Variants in COL21A1 observed in about 807,000 individuals in gnomAD.
COL21A1 encodes the protein collagen alpha-1(XXI) chain.
A neutral mutation model predicts 137.9 loss-of-function variants in COL21A1; 149 were observed. The ratio of observed to expected loss-of-function variants is 1.08; its 90% CI spans 0.95 to 1.24. COL21A1 has a LOEUF of 1.24. COL21A1 is among the 50% of genes most tolerant of loss of function. The pLI is 0.00. For missense variants in COL21A1, 1,167 were observed against 1,158.4 expected (o/e 1.01, Z -0.11); for synonymous variants, 456 against 391.5 (o/e 1.16, Z -1.95).
At chr6:56,230,354 G>C (rs1395806874) in intron 1 of COL21A1, among the ~76,000 whole-genome samples, 1 of 151,792 alleles carries the variant, frequency 6.6e-6, no homozygotes, top group East Asian at 1.9e-4. Flanking sequence ...ATATCATAAA[G>C]CAAACTCAAT....
intron 1 of COL21A1, among the ~76,000 whole-genome samples, chr6:56,393,181 C>T (rs2094033282): frequency 6.6e-6 from 1 of 151,954 alleles, no homozygotes; most frequent in Non-Finnish European, 1.5e-5. Flanking sequence ...AGAGAGAACA[C>T]AGAAATAAAT....
intron 3 of COL21A1, among the ~76,000 whole-genome samples, chr6:56,177,915 T>C (rs1464537463): frequency 6.6e-6 from 1 of 151,426 alleles, no homozygotes; most frequent in African/African-American, 2.4e-5. Context: ...ATTAGACACA[T>C]AAATTATTTA....
intron 1 of COL21A1, among the ~76,000 whole-genome samples, chr6:56,310,807 C>T (rs1299621483): frequency 2.9e-5 from 4 of 138,578 alleles, no homozygotes; most frequent in Admixed American, 2.9e-4. Context: ...ATATGAATAT[C>T]CATAATATTG....
At chr6:56,075,010 T>C (rs1767090235) in intron 19 of COL21A1, among the ~76,000 whole-genome samples, 1 of 151,342 alleles carries the variant, frequency 6.6e-6, no homozygotes, top group Non-Finnish European at 1.5e-5. Context: ...ACATGAATTT[T>C]CATAATTTTG....
intron 8 of COL21A1, 43 bp downstream of exon 8, chr6:56,164,771 A>G (rs1217021542): frequency 6.6e-7 from 1 of 1,516,662 alleles, no homozygotes; most frequent in Non-Finnish European, 8.9e-7. Context: ...TGGTCCCACA[A>G]TACAAATATT....
At chr6:56,134,162 G>A (rs1000555623) in intron 12 of COL21A1, among the ~76,000 whole-genome samples, 2 of 152,202 alleles carry the variant, frequency 1.3e-5, no homozygotes, top group South Asian at 4.1e-4. Context: ...AATCGAGAGG[G>A]AGGCTGTACC....
chr6:56,225,574 C>T (rs889734070), intron 1 of COL21A1, among the ~76,000 whole-genome samples: 1 of 151,992 alleles, frequency 6.6e-6, no homozygotes, highest in South Asian at 2.1e-4. Flanking sequence ...CAGCTTGTTC[C>T]TGTCCAAAGG....
chr6:56,360,260 G>A (rs1341365834), intron 1 of COL21A1, among the ~76,000 whole-genome samples: 5 of 152,170 alleles, frequency 3.3e-5, no homozygotes, highest in African/African-American at 7.2e-5. Flanking sequence ...GCATCTGTTC[G>A]ACTTCACACT....
chr6:56,088,222 G>A (rs766878447), intron 17 of COL21A1, among the ~76,000 whole-genome samples: 11 of 152,032 alleles, frequency 7.2e-5, no homozygotes, highest in Non-Finnish European at 1.5e-4. Flanking sequence ...AAATTAGCTG[G>A]GCATGGTGGC....
At position 56,074,999 on chromosome 6, in the gene COL21A1, C is replaced by A. The variant is rs80265288; in HGVS notation, c.1911+480G>T. Among the ~76,000 whole-genome samples, 1,238 of 151,152 alleles carry A rather than the reference C, an allele frequency of 8.2e-3. 19 individuals are homozygous for A. The highest frequency in any genetic ancestry group is 0.029 in the African/African-American group (1,194 of 41,374). ...TAAAATTTGGGGGGGGATTCTTGCA[C>A]ACATGAATTTTCATAATTTTGAATC... On this transcript the variant is annotated intron_variant, in intron 19 of 29. Transcript: ENST00000244728.
intron 3 of COL21A1, among the ~76,000 whole-genome samples, chr6:56,172,766 G>A (rs1405593632): frequency 2.0e-5 from 3 of 151,996 alleles, no homozygotes; most frequent in Non-Finnish European, 4.4e-5. Flanking sequence ...GCAATTTGTG[G>A]CATCAGTAAC....
At chr6:56,062,880 C>G (rs7768532) in intron 24 of COL21A1, among the ~76,000 whole-genome samples, 2,481 of 152,172 alleles carry the variant, frequency 0.016, 68 homozygotes, top group African/African-American at 0.057. Flanking sequence ...TGAATTAGAG[C>G]TAAAACTAAA....
chr6:56,100,815 A>G (rs1316499746), intron 17 of COL21A1, among the ~76,000 whole-genome samples: 1 of 152,172 alleles, frequency 6.6e-6, no homozygotes, highest in Non-Finnish European at 1.5e-5. Context: ...AAATTCTGAA[A>G]TCTCAACTGA....
chr6:56,092,754 T>C (rs955436603), intron 17 of COL21A1, among the ~76,000 whole-genome samples: 8 of 152,182 alleles, frequency 5.3e-5, no homozygotes, highest in African/African-American at 1.9e-4. Context: ...TTAGACTAAA[T>C]GAAAAGCCTA....
At chr6:56,392,340 A>G (rs2094031381) in intron 1 of COL21A1, among the ~76,000 whole-genome samples, 1 of 152,174 alleles carries the variant, frequency 6.6e-6, no homozygotes, top group African/African-American at 2.4e-5. Flanking sequence ...GAAGGAACAT[A>G]CCTCAACAAT....
Position 56,060,907 on chromosome 6 carries a change from C to G in COL21A1, c.2336G>C (p.Gly779Ala), listed in dbSNP as rs1353540944. 6.3e-7 allele frequency: 1 copy of G among 1,577,178 alleles called. No individual in the cohort carries two copies. The change falls in exon 26 of 30, where the codon GGT becomes GCT. Residue 779 changes from glycine to alanine, a missense_variant. Gly to Ala is a moderately conservative substitution (Grantham distance 60). Coordinates refer to ENST00000244728, the MANE Select transcript of COL21A1 (RefSeq NM_030820.4). ...PGDPGPQGPP[G>A]LDGKPGREFS... The stretch of plus-strand genomic sequence containing the variant: ...AATACATACGGGCTTCCCATCCAAA[C>G]CTGGGGGTCCCTGAGGACCTGGATC...
chr6:56,172,274 A>G (rs938658826), intron 3 of COL21A1, among the ~76,000 whole-genome samples: 2 of 152,174 alleles, frequency 1.3e-5, no homozygotes, highest in Non-Finnish European at 2.9e-5. Flanking sequence ...TTTTGAAAGC[A>G]GCAAGAAAAA....
intron 1 of COL21A1, among the ~76,000 whole-genome samples, chr6:56,214,994 A>G (rs1162787562): frequency 6.6e-6 from 1 of 152,120 alleles, no homozygotes; most frequent in Non-Finnish European, 1.5e-5. Context: ...AACCTTGGTC[A>G]GCTCTTCATC....
At chr6:56,120,577 G>A (rs192848540) in intron 16 of COL21A1, among the ~76,000 whole-genome samples, 15 of 152,116 alleles carry the variant, frequency 9.9e-5, no homozygotes, top group East Asian at 3.9e-4. Context: ...AGGGTGGATC[G>A]CCTGAGGTCA....
Sources: gnomAD v4.1 joint callset for allele counts (sites outside exome capture counted in the v4.1 genomes callset) on GRCh38, gnomAD v4.1.1 for gene constraint, MANE v1.5 for transcripts, NCBI Gene and HGNC (gene_info 2026-07-23, HGNC 2026-07-21) for gene names.